The following TSPAN15 variants were observed in gnomAD, a reference collection of about 807,000 sequenced individuals.
TSPAN15 encodes the protein tetraspanin-15.
Under a neutral mutation model 34.5 loss-of-function variants are expected in TSPAN15, and 20 were observed. The observed-to-expected ratio is 0.58, with a 90% confidence interval of 0.41 to 0.84. The LOEUF (loss-of-function observed/expected upper bound fraction) is 0.84. Among genes scored for constraint, TSPAN15 ranks in the 40% least tolerant of loss-of-function variants. TSPAN15 has a pLI of 0.00. For missense variants in TSPAN15, 313 were observed against 386.1 expected (o/e 0.81, Z 1.59); for synonymous variants, 155 against 153.9 (o/e 1.01, Z -0.05).
chr10:69,508,468 A>AAAGAAG (rs747931154), downstream of TSPAN15, among the ~76,000 whole-genome samples: 1 of 139,272 alleles, frequency 7.2e-6, no homozygotes, highest in Non-Finnish European at 1.6e-5. Flanking sequence ...AAAAAAAAAA[A>AAAGAAG]AAGAAGAAGA....
At chr10:69,502,642 A>G (rs1419375549) in intron 5 of TSPAN15, among the ~76,000 whole-genome samples, 1 of 152,110 alleles carries the variant, frequency 6.6e-6, no homozygotes, top group East Asian at 1.9e-4. Flanking sequence ...AGGTAAACCC[A>G]GGCAGGCTTT....
chr10:69,483,891 C>G lies in TSPAN15; in HGVS notation c.282+15C>G. 4 of 1,608,730 alleles carry G rather than the reference C, an allele frequency of 2.5e-6. No homozygotes were observed. The highest frequency in any genetic ancestry group is 3.4e-6 in the Non-Finnish European group (4 of 1,176,766). ...TTCTCCAAGCAGTGAGTGGACCACA[C>G]CACCCCTCAGCCGGGACTCCCCAGG... On this transcript the variant is annotated intron_variant, in intron 2 of 7. Coordinates refer to ENST00000373290, the MANE Select transcript of TSPAN15 (RefSeq NM_012339.5).
At chr10:69,528,180 G>C in the TSPAN15 span, among the ~76,000 whole-genome samples, 4 of 148,298 alleles carry the variant, frequency 2.7e-5, no homozygotes, top group Non-Finnish European at 4.5e-5. Flanking sequence ...CTGCTGCCGC[G>C]GGGCAGGCAG....
chr10:69,504,818 G>A (rs1376153334), intron 6 of TSPAN15, among the ~76,000 whole-genome samples: 1 of 152,298 alleles, frequency 6.6e-6, no homozygotes, highest in East Asian at 1.9e-4. Context: ...CTGCCCCTGG[G>A]GCCACCTGGG....
chr10:69,544,935 C>G, the TSPAN15 span, among the ~76,000 whole-genome samples: 1 of 152,200 alleles, frequency 6.6e-6, no homozygotes, highest in Non-Finnish European at 1.5e-5. Flanking sequence ...CAGCGCGCCC[C>G]TTTGTGGCTC....
chr10:69,459,625 C>A (rs1054054810), intron 1 of TSPAN15, among the ~76,000 whole-genome samples: 16 of 152,160 alleles, frequency 1.1e-4, no homozygotes, highest in African/African-American at 3.9e-4. Flanking sequence ...CCGGGAAGGG[C>A]TGCGCTGTGG....
intron 4 of TSPAN15, 42 bp downstream of exon 4, chr10:69,495,731 C>T (rs763069359): frequency 1.4e-5 from 19 of 1,388,384 alleles, no homozygotes; most frequent in South Asian, 3.5e-5. Context: ...CTCCCGTGCT[C>T]TTAGCCCCCC....
Position 69,506,686 on chromosome 10 carries a change from A to G in TSPAN15, c.736-143A>G, listed in dbSNP as rs1341630443. ...CTTGGGCAGTGTGGGTGCTGGGAGA[A>G]GTCTCTGCTGTGGGTGTTGCCCAGG... On this transcript the variant is annotated intron_variant, in intron 7 of 7. Coordinates refer to ENST00000373290, the MANE Select transcript of TSPAN15 (RefSeq NM_012339.5). The surrounding 1 kb of genome is among the most constrained non-coding windows in gnomAD (Gnocchi z 4.7). 3.8e-6 allele frequency: 3 copies of G among 791,338 alleles called. No individual in the cohort carries two copies. The highest frequency in any genetic ancestry group is 3.5e-5 in the African/African-American group (2 of 57,256). The allele number at this position is 791,338 out of a possible 1,614,324, so 49.0% of individuals were successfully genotyped here. A position where few individuals can be genotyped will look rare whatever the true frequency, so the allele number is the denominator to read the frequency against.
At chr10:69,530,563 C>T in the TSPAN15 span, among the ~76,000 whole-genome samples, 4 of 145,854 alleles carry the variant, frequency 2.7e-5, no homozygotes, top group Non-Finnish European at 4.5e-5. Context: ...CCCAGCACTT[C>T]GGGAGTTGGA....
chr10:69,474,553 T>C (rs76275193), intron 1 of TSPAN15, among the ~76,000 whole-genome samples: 9,376 of 152,052 alleles, frequency 0.062, 987 homozygotes, highest in African/African-American at 0.22. Context: ...TGGTGGCCTA[T>C]AGTTACGAGT....
chr10:69,468,206 G>A (rs999690002), intron 1 of TSPAN15, among the ~76,000 whole-genome samples: 2 of 151,790 alleles, frequency 1.3e-5, no homozygotes, highest in Admixed American at 1.3e-4. Context: ...TAATCACCAG[G>A]TGCACACACT....
intron 1 of TSPAN15, among the ~76,000 whole-genome samples, chr10:69,472,274 T>G (rs567065949): frequency 1.3e-5 from 2 of 152,306 alleles, no homozygotes; most frequent in African/African-American, 4.8e-5. Context: ...CATCTGGAAC[T>G]CCTTATCCCT....
At chr10:69,464,775 C>A (rs1564600094) in intron 1 of TSPAN15, among the ~76,000 whole-genome samples, 3 of 152,184 alleles carry the variant, frequency 2.0e-5, no homozygotes, top group Admixed American at 6.5e-5. Flanking sequence ...AAGCCCCAAG[C>A]CACCCAGCAT....
At chr10:69,536,739 C>A in the TSPAN15 span, among the ~76,000 whole-genome samples, 1 of 152,134 alleles carries the variant, frequency 6.6e-6, no homozygotes, top group African/African-American at 2.4e-5. Context: ...AATCCCAACA[C>A]ATTGAGAGGA....
In TSPAN15 at chr10:69,483,695, T is replaced by A. The variant is rs760386743; in HGVS notation, c.101T>A (p.Ile34Asn). The change falls in exon 2 of 8, where the codon ATT (isoleucine) becomes AAT (asparagine). Residue 34 changes from isoleucine to asparagine, a missense_variant. By Grantham distance (149) the Ile-to-Asn change is moderately radical. Transcript: ENST00000373290. ...CCCTCTGTTTTCTTGCTGCAGCTGA[T>A]TGGGGCCCTGGTCCTGTCTGTGGGC... ...LIIYSTVFWL[I>N]GALVLSVGIY... 2 of 1,613,194 alleles carry A rather than the reference T, an allele frequency of 1.2e-6. No individual in the cohort carries two copies. The highest frequency in any genetic ancestry group is 1.1e-5 in the South Asian group (1 of 91,042).
intron 1 of TSPAN15, among the ~76,000 whole-genome samples, chr10:69,454,770 T>C (rs887128263): frequency 1.3e-5 from 2 of 152,040 alleles, no homozygotes; most frequent in Non-Finnish European, 2.9e-5. Context: ...TGAGTTGAGA[T>C]TGTGCCACTG....
At chr10:69,530,820 CTATATATAT>C in the TSPAN15 span, among the ~76,000 whole-genome samples, 3 of 30,780 alleles carry the variant, frequency 9.7e-5, no homozygotes, top group African/African-American at 3.4e-4. Context: ...CTCTCTCTCT[CTATATATAT>C]ATATATATAT....
chr10:69,519,718 T>C, the TSPAN15 span, among the ~76,000 whole-genome samples: 1 of 152,112 alleles, frequency 6.6e-6, no homozygotes, highest in African/African-American at 2.4e-5. Flanking sequence ...TATTAATACA[T>C]AACATAAAAT....
At chr10:69,531,107 TCTAGGTA>T in the TSPAN15 span, among the ~76,000 whole-genome samples, 1 of 145,576 alleles carries the variant, frequency 6.9e-6, no homozygotes, top group Non-Finnish European at 1.5e-5. Context: ...AAAGAGCTGA[TCTAGGTA>T]AAAATGGAGC....
Sources: allele counts gnomAD v4.1 joint callset (sites outside exome capture counted in the v4.1 genomes callset), GRCh38; gene constraint gnomAD v4.1.1; non-coding constraint Gnocchi (gnomAD v3.1); transcripts MANE v1.5; gene names NCBI Gene and HGNC (gene_info 2026-07-23, HGNC 2026-07-21).